PDGFRL: variants seen among roughly 807,000 people sequenced by gnomAD.
The protein encoded by PDGFRL is platelet-derived growth factor receptor-like protein.
In PDGFRL, 46 loss-of-function variants were observed where a neutral mutation model predicts 37.2. That is an observed-to-expected ratio of 1.24 (90% confidence interval 0.98 to 1.58). The LOEUF (loss-of-function observed/expected upper bound fraction) is 1.58, where lower values mean the gene tolerates loss of function less well. PDGFRL is among the 40% of genes most tolerant of loss of function. The probability of loss-of-function intolerance (pLI) is 0.00; values close to 1 mark genes in which losing one functional copy is unlikely to be tolerated. For synonymous variants in PDGFRL, 251 were observed against 184.3 expected (o/e 1.36, Z -2.93); for missense variants, 692 against 467.6 (o/e 1.48, Z -4.43).
At chr8:17,623,967 T>A (rs1804685273) in intron 3 of PDGFRL, among the ~76,000 whole-genome samples, 1 of 151,562 alleles carries the variant, frequency 6.6e-6, no homozygotes, top group Admixed American at 6.6e-5. Context: ...AAAGAAAAGC[T>A]AAAATATATT....
intron 3 of PDGFRL, among the ~76,000 whole-genome samples, chr8:17,623,851 G>C (rs1424145305): frequency 7.2e-6 from 1 of 139,350 alleles, no homozygotes; most frequent in Admixed American, 7.7e-5. Flanking sequence ...TCCAACCTGG[G>C]CGACAGAGCA....
intron 2 of PDGFRL, among the ~76,000 whole-genome samples, chr8:17,611,741 C>T (rs549419478): frequency 6.6e-6 from 1 of 152,106 alleles, no homozygotes; most frequent in African/African-American, 2.4e-5. Flanking sequence ...ATATTTAGAA[C>T]TGGAGGTAAT....
intron 1 of PDGFRL, among the ~76,000 whole-genome samples, chr8:17,583,317 AAAAC>A (rs1272209533): frequency 1.3e-5 from 2 of 152,146 alleles, no homozygotes; most frequent in African/African-American, 4.8e-5. Context: ...CTCACCTTGG[AAAAC>A]AAACAGACAT....
Position 17,634,086 on chromosome 8 carries a change from C to T in PDGFRL, c.812C>T (p.Pro271Leu), listed in dbSNP as rs372660740. ...TGCTTGCTTCCAGTTCCCAGTGGCC[C>T]TCCCTCAACAACCATCTTGGCTTCT... The part of the protein sequence containing the change: ...QLLYVAVPSG[P>L]PSTTILASSN... The change falls in exon 5 of 6, where the codon CCT becomes CTT. Residue 271 changes from proline (P) to leucine (L), a missense_variant. Transcript: ENST00000251630. The T allele has an allele frequency of 4.3e-6, 7 of 1,613,986 alleles. No homozygotes were observed. Among genetic ancestry groups the T allele is most frequent in the African/African-American group, 1.3e-5 (1 of 74,938 alleles).
At chr8:17,633,096 C>T (rs1173393871) in intron 4 of PDGFRL, among the ~76,000 whole-genome samples, 1 of 152,170 alleles carries the variant, frequency 6.6e-6, no homozygotes, top group East Asian at 1.9e-4. Context: ...GTCCATCACC[C>T]TCCCTGCTCT....
chr8:17,607,296 T>A (rs1804302965), intron 2 of PDGFRL, among the ~76,000 whole-genome samples: 1 of 147,058 alleles, frequency 6.8e-6, no homozygotes, highest in Non-Finnish European at 1.5e-5. Flanking sequence ...GTCGATCTAG[T>A]CATTAGAGTA....
At chr8:17,642,531 C>A (rs760976884) in intron 5 of PDGFRL, 82 bp from the exon 6 acceptor site, 6 of 799,890 alleles carry the variant, frequency 7.5e-6, no homozygotes, top group Non-Finnish European at 1.1e-5. Context: ...CTGAAAGGAA[C>A]GCTCAACAGT....
In PDGFRL at chr8:17,629,236, T is replaced by C. The variant is rs546707573; in HGVS notation, c.799+456T>C. On this transcript the variant is annotated intron_variant, in intron 4 of 5. Coordinates refer to ENST00000251630, the MANE Select transcript of PDGFRL (RefSeq NM_001372073.1). Reference sequence around the variant, plus strand: ...TGAGCCACCATGCTCGGCCCACTTATGCCGTTCTTAAAGGCTTCCCTTCTG... The same window carrying C: ...TGAGCCACCATGCTCGGCCCACTTACGCCGTTCTTAAAGGCTTCCCTTCTG... 3.9e-5 allele frequency among the ~76,000 whole-genome samples: 6 copies of C among 152,198 alleles called. No individual in the cohort carries two copies. The South Asian group carries it at 1.0e-3, about 26-fold the overall frequency.
rs1803887542 is a variant in PDGFRL at position 17,589,534 on chromosome 8, C to G, written c.122C>G (p.Thr41Ser). Residue 41 changes from threonine (T) to serine (S), a missense_variant, in exon 2 of 6, where the codon ACC becomes AGC. By Grantham distance (58) the Thr-to-Ser change is moderately conservative. Transcript: ENST00000251630. The stretch of plus-strand genomic sequence containing the variant: ...CCAGGAGAGAATAGAATCAAACCTA[C>G]CAACAAGAAGGTGAAGCCCAAAATT... ...KEPGENRIKP[T>S]NKKVKPKIPK... 6.2e-7 allele frequency: 1 copy of G among 1,613,728 alleles called. No individual in the cohort carries two copies. Among genetic ancestry groups the G allele is most frequent in the East Asian group, 2.2e-5 (1 of 44,880 alleles).
rs1209151400 is a variant in PDGFRL, at chr8:17,578,245, A to T, written c.55+938A>T. Among the ~76,000 whole-genome samples, 17 of 152,170 alleles carry T rather than the reference A, an allele frequency of 1.1e-4. 1 individual carries two copies. The highest frequency in any genetic ancestry group is 1.1e-3 in the Admixed American group (17 of 15,272). ...AATTTTTGCTTAGATTTAGTGGAAA[A>T]GTAGCTTTTGCTGTTATGCAACTTC... On this transcript the variant is annotated intron_variant, in intron 1 of 5. Transcript: ENST00000251630.
chr8:17,638,786 T>TATATATATAAATAA, intron 5 of PDGFRL, among the ~76,000 whole-genome samples: 1 of 102,844 alleles, frequency 9.7e-6, no homozygotes, highest in East Asian at 3.3e-4. Flanking sequence ...TATATATATA[T>TATATATATAAATAA]AATTGTGATA....
rs1483487403 is a variant in PDGFRL at position 17,612,369 on chromosome 8, TCTC to T, written c.354-8678_354-8676del. On this transcript the variant is annotated intron_variant, in intron 2 of 5. Transcript: ENST00000251630. ...CTCTTCCTTCTTCCTTCTCCTCTCT[TCTC>T]CTCTCTTTTCTTTTTTTGAGACAGT... Among the ~76,000 whole-genome samples the T allele has an allele frequency of 6.6e-5, 10 of 152,022 alleles. No individual in the cohort carries two copies. In the South Asian group the frequency reaches 8.3e-4, roughly 13 times the overall value.
intron 1 of PDGFRL, among the ~76,000 whole-genome samples, chr8:17,581,087 C>A (rs962663461): frequency 1.3e-5 from 2 of 152,050 alleles, no homozygotes; most frequent in Non-Finnish European, 2.9e-5. Context: ...TTCACAGATA[C>A]CTGGGAGTTA....
At chr8:17,603,364 C>G (rs1468464200) in intron 2 of PDGFRL, among the ~76,000 whole-genome samples, 1 of 152,170 alleles carries the variant, frequency 6.6e-6, no homozygotes, top group Non-Finnish European at 1.5e-5. Context: ...TATTCATGCC[C>G]CTGTCCCCTG....
intron 2 of PDGFRL, among the ~76,000 whole-genome samples, chr8:17,616,545 C>T (rs1804532726): frequency 6.6e-6 from 1 of 152,152 alleles, no homozygotes; most frequent in Admixed American, 6.6e-5. Flanking sequence ...ACTTGTCGTC[C>T]AGAATAACAT....
chr8:17,624,994 TTTA>T (rs10538196), intron 3 of PDGFRL, among the ~76,000 whole-genome samples: 3 of 151,080 alleles, frequency 2.0e-5, no homozygotes, highest in African/African-American at 2.4e-5. Context: ...TTTATTTTTA[TTTA>T]TTATTATTAT....
At chr8:17,582,099 G>C (rs1180537939) in intron 1 of PDGFRL, among the ~76,000 whole-genome samples, 1 of 152,192 alleles carries the variant, frequency 6.6e-6, no homozygotes. Flanking sequence ...GACAAGGTCT[G>C]AAATGGAAAC....
At chr8:17,599,591 G>A (rs1398647029) in intron 2 of PDGFRL, among the ~76,000 whole-genome samples, 1 of 152,276 alleles carries the variant, frequency 6.6e-6, no homozygotes, top group South Asian at 2.1e-4. Context: ...AGGACTGCTG[G>A]AAGGAGCCGT....
At chr8:17,581,664 CCCT>C (rs1171999480) in intron 1 of PDGFRL, among the ~76,000 whole-genome samples, 1 of 151,966 alleles carries the variant, frequency 6.6e-6, no homozygotes, top group Non-Finnish European at 1.5e-5. Flanking sequence ...AGAGTCTGGT[CCCT>C]CCTCCTCCCA....
Sources: allele counts gnomAD v4.1 joint callset (sites outside exome capture counted in the v4.1 genomes callset), GRCh38; gene constraint gnomAD v4.1.1; transcripts MANE v1.5; gene names NCBI Gene and HGNC (gene_info 2026-07-23, HGNC 2026-07-21).